The following ITGAX variants were observed in gnomAD, a reference collection of about 807,000 sequenced individuals.
ITGAX encodes the protein integrin subunit alpha X.
ITGAX carries 99 observed loss-of-function variants against 140.2 expected under a neutral mutation model. The ratio of observed to expected loss-of-function variants is 0.71; its 90% confidence interval spans 0.60 to 0.83. ITGAX has a LOEUF of 0.83. Ranked by LOEUF, ITGAX falls within the 40% of genes least tolerant of loss-of-function variation. The pLI, the probability that ITGAX is intolerant of heterozygous loss-of-function variation, is 0.00. For missense variants in ITGAX, 1,444 were observed against 1,482.0 expected (o/e 0.97, Z 0.42); for synonymous variants, 631 against 600.4 (o/e 1.05, Z -0.75).
At chr16:31,369,336 G>A (rs2080931149) in intron 14 of ITGAX, among the ~76,000 whole-genome samples, 1 of 151,920 alleles carries the variant, frequency 6.6e-6, no homozygotes, top group African/African-American at 2.4e-5. Context: ...GCCGGGCAGA[G>A]GGTCTCCTCA....
At chr16:31,373,220 T>C (rs1159788316) in intron 19 of ITGAX, 29 bp from the exon 20 acceptor site, 1 of 1,482,598 alleles carries the variant, frequency 6.7e-7, no homozygotes. Flanking sequence ...CACAGAATCA[T>C]CTTCTCCTTT....
At position 31,355,924 on chromosome 16, in the gene ITGAX, C is replaced by A. The variant is rs369455265; in HGVS notation, c.69C>A (p.Asp23Glu). 6.2e-6 allele frequency: 10 copies of A among 1,613,720 alleles called. No individual in the cohort carries two copies. In the African/African-American group the frequency reaches 1.3e-4, roughly 22 times the overall value. Reference sequence around the variant, plus strand: ...CAACTTCTCTAGGTTTCAACTTGGACACAGAGGAGCTGACAGCCTTCCGTG... The same window carrying A: ...CAACTTCTCTAGGTTTCAACTTGGAAACAGAGGAGCTGACAGCCTTCCGTG... ...ALATSLGFNL[D>E]TEELTAFRVD... The change falls in exon 2 of 30, where the codon GAC (aspartate) becomes GAA (glutamate). Residue 23 changes from aspartate (D) to glutamate (E), a missense_variant. Transcript: ENST00000268296.
chr16:31,363,126 G>A (rs1435555696), intron 13 of ITGAX, 39 bp from the exon 14 acceptor site: 6 of 1,606,478 alleles, frequency 3.7e-6, no homozygotes, highest in Admixed American at 1.7e-5. Context: ...GGGTGGAGGG[G>A]TTGCCCGGGT....
chr16:31,359,701 G>A lies in ITGAX; in HGVS notation c.432G>A (p.Glu144=). The change falls in exon 6 of 30, where the codon GAG becomes GAA. Residue 144 remains glutamate (E), a splice_region_variant and synonymous_variant. Transcript: ENST00000268296. ...GACCGGTGCCACCTCCTTCCCCAGAGTGCCCAAGACAGGAGCAGGACATTG... is the reference window on the plus strand; with the variant it reads ...GACCGGTGCCACCTCCTTCCCCAGAATGCCCAAGACAGGAGCAGGACATTG... ...LTQRLPVSRQ[E]CPRQEQDIVF... 1 of 1,614,028 alleles carries A rather than the reference G, an allele frequency of 6.2e-7. No homozygotes were observed. The highest frequency in any genetic ancestry group is 8.5e-7 in the Non-Finnish European group (1 of 1,179,972).
intron 2 of ITGAX, chr16:31,356,302 T>A (rs967644188): frequency 1.9e-5 from 8 of 412,956 alleles, no homozygotes; most frequent in African/African-American, 1.2e-4. Context: ...TCTATACATT[T>A]AAAAATATAT....
intron 23 of ITGAX, among the ~76,000 whole-genome samples, chr16:31,378,135 G>C (rs1003257974): frequency 3.3e-5 from 5 of 152,194 alleles, no homozygotes; most frequent in African/African-American, 1.2e-4. Flanking sequence ...TGAAGAGTCT[G>C]CTGTGGGCCC....
At chr16:31,357,983 CAG>C (rs1352307636) in intron 5 of ITGAX, 2 of 157,082 alleles carry the variant, frequency 1.3e-5, no homozygotes, top group Non-Finnish European at 2.8e-5. Context: ...GGAAGCAAAA[CAG>C]TGGGCTTTGG....
chr16:31,371,355 G>C lies in ITGAX; in HGVS notation c.1863G>C (p.Val621=), dbSNP rs957994501. Residue 621 remains valine, a synonymous_variant, in exon 16 of 30, where the codon GTG becomes GTC. Transcript: ENST00000268296. ...GCAGGACCAGACCTGTGCTCTGGGTGGGGGTGAGCATGCAGTTCATACCTG... is the reference window on the plus strand; with the variant it reads ...GCAGGACCAGACCTGTGCTCTGGGTCGGGGTGAGCATGCAGTTCATACCTG... The part of the protein sequence containing the change: ...LLLRTRPVLW[V]GVSMQFIPAE... The C allele has an allele frequency of 2.5e-6, 4 of 1,614,042 alleles. No individual in the cohort carries two copies. In the Admixed American group the frequency reaches 6.7e-5, roughly 27 times the overall value.
chr16:31,356,372 C>T, intron 2 of ITGAX: 1 of 474,182 alleles, frequency 2.1e-6, no homozygotes, highest in Non-Finnish European at 3.8e-6. Context: ...TCAAGCAATC[C>T]TCCCGCCTCA....
At chr16:31,380,501 G>A (rs1165108080) in intron 27 of ITGAX, 22 bp from the exon 28 acceptor site, 2 of 1,614,186 alleles carry the variant, frequency 1.2e-6, no homozygotes, top group African/African-American at 1.3e-5. Context: ...AGTTCAACAG[G>A]TTTCCCCCAA....
chr16:31,360,869 G>A (rs983987804), intron 8 of ITGAX, 194 bp from the exon 9 acceptor site: 2 of 582,874 alleles, frequency 3.4e-6, no homozygotes, highest in Non-Finnish European at 6.0e-6. Flanking sequence ...CCTTAAGGAT[G>A]AAAACTCTGC....
rs1140195 is a variant in ITGAX at position 31,382,858 on chromosome 16, A to G, written c.*951A>G. On this transcript the variant is annotated 3_prime_UTR_variant, in exon 30 of 30. Transcript: ENST00000268296. ...TTTGAGGCTATGAATATAGTACCTG[A>G]AAAAATGCCAAGACATGATTATTTT... The G allele has an allele frequency of 0.31, 69,567 of 223,980 alleles. 12,632 individuals are homozygous for G. The highest frequency in any genetic ancestry group is 0.59 in the East Asian group (6,018 of 10,194). The allele number at this position is 223,980 out of a possible 1,614,324, so 13.9% of individuals were successfully genotyped here.
intron 14 of ITGAX, among the ~76,000 whole-genome samples, chr16:31,370,307 G>A (rs1236845732): frequency 1.3e-5 from 2 of 152,220 alleles, no homozygotes; most frequent in East Asian, 1.9e-4. Context: ...GAGATTTAAA[G>A]GGCACATTCT....
chr16:31,380,857 G>A (rs2081062728), intron 28 of ITGAX, 40 bp from the exon 29 acceptor site: 2 of 1,552,432 alleles, frequency 1.3e-6, no homozygotes, highest in East Asian at 2.2e-5. Context: ...TGGGATAGTA[G>A]GAGGATGGGA....
At chr16:31,371,594 T>C (rs1206234619) in intron 16 of ITGAX, 36 bp from the exon 17 acceptor site, 2 of 1,611,796 alleles carry the variant, frequency 1.2e-6, no homozygotes, top group Non-Finnish European at 1.7e-6. Context: ...ACCCAAGGAG[T>C]TCCTGTCTCA....
At chr16:31,366,995 T>A (rs923358277) in intron 14 of ITGAX, among the ~76,000 whole-genome samples, 1 of 152,084 alleles carries the variant, frequency 6.6e-6, no homozygotes, top group Non-Finnish European at 1.5e-5. Flanking sequence ...GATAAGAAAG[T>A]GAAACAGCCT....
At position 31,380,125 on chromosome 16, in the gene ITGAX, G is replaced by A. The variant is rs1030014967; in HGVS notation, c.3060+60G>A. 1.9e-6 allele frequency: 3 copies of A among 1,573,478 alleles called. No individual in the cohort carries two copies. In the African/African-American group the frequency reaches 4.1e-5, roughly 21 times the overall value. ...CCCCACATCAGAGGAATTTAACCCA[G>A]GAGTTCATGTTCCATATCCATCCTG... On this transcript the variant is annotated intron_variant, in intron 26 of 29. Transcript: ENST00000268296.
intron 1 of ITGAX, 43 bp downstream of exon 1, chr16:31,355,334 C>G (rs1193936598): frequency 6.2e-7 from 1 of 1,609,034 alleles, no homozygotes; most frequent in Admixed American, 1.7e-5. Context: ...GACCCAGGCC[C>G]AAGGGAGCCA....
chr16:31,382,355 G>T lies in ITGAX; in HGVS notation c.*448G>T, dbSNP rs2081077554. 4 of 1,305,704 alleles carry T rather than the reference G, an allele frequency of 3.1e-6. No homozygotes were observed. Among genetic ancestry groups the T allele is most frequent in the Non-Finnish European group, 4.2e-6 (4 of 956,148 alleles). 80.9% of individuals were successfully genotyped at this position (1,305,704 alleles called of 1,614,324 possible). On this transcript the variant is annotated 3_prime_UTR_variant, in exon 30 of 30. Coordinates refer to ENST00000268296, the MANE Select transcript of ITGAX (RefSeq NM_000887.5). ...CCGCCTCCCGGGTTCAAGTAATTCT[G>T]CTGTCTCAGCCTCCTGAGTAGCTGG... is the stretch of plus-strand genomic sequence containing the variant.
Sources: allele counts gnomAD v4.1 joint callset (sites outside exome capture counted in the v4.1 genomes callset), GRCh38; gene constraint gnomAD v4.1.1; transcripts MANE v1.5; gene names NCBI Gene and HGNC (gene_info 2026-07-23, HGNC 2026-07-21).